The following SHISA9 variants were observed in gnomAD, a reference collection of about 807,000 sequenced individuals.
SHISA9 encodes protein shisa-9.
SHISA9 carries 13 observed loss-of-function variants against 38.0 expected under a neutral mutation model. The observed-to-expected ratio is 0.34, with a 90% CI of 0.22 to 0.54. SHISA9 has a LOEUF of 0.54. SHISA9 is among the 20% of genes least tolerant of loss of function. The probability of loss-of-function intolerance (pLI) is 0.91; values close to 1 mark genes in which losing one functional copy is unlikely to be tolerated. For synonymous variants in SHISA9, 275 were observed against 242.0 expected (o/e 1.14, Z -1.27); for missense variants, 538 against 575.8 (o/e 0.93, Z 0.67).
the SHISA9 span, among the ~76,000 whole-genome samples, chr16:13,446,311 G>A: frequency 6.6e-6 from 1 of 152,106 alleles, no homozygotes; most frequent in Non-Finnish European, 1.5e-5. Context: ...CAGGTTTACT[G>A]TAACATTCAA....
At chr16:13,264,112 C>T in the SHISA9 span, among the ~76,000 whole-genome samples, 13 of 151,984 alleles carry the variant, frequency 8.6e-5, no homozygotes, top group South Asian at 2.1e-4. Context: ...GCTGTCATCA[C>T]CTGTGTCTGC....
the SHISA9 span, among the ~76,000 whole-genome samples, chr16:13,303,332 A>T: frequency 6.6e-6 from 1 of 152,242 alleles, no homozygotes; most frequent in Admixed American, 6.5e-5. Context: ...CCACATCAGT[A>T]GGCTAAATGG....
chr16:13,388,357 G>A, the SHISA9 span, among the ~76,000 whole-genome samples: 1 of 150,486 alleles, frequency 6.6e-6, no homozygotes, highest in Admixed American at 6.6e-5. Flanking sequence ...TGTTGCCTGG[G>A]CTGGAGTGCA....
At chr16:13,046,960 T>C (rs868113204) in intron 2 of SHISA9, among the ~76,000 whole-genome samples, 2 of 152,186 alleles carry the variant, frequency 1.3e-5, no homozygotes, top group African/African-American at 2.4e-5. Flanking sequence ...TTACCCCCTG[T>C]GTGCCTTGCA....
In SHISA9 at chr16:13,226,966, G is replaced by A. The variant is rs568087910; in HGVS notation, c.896-8064G>A. 3.3e-5 allele frequency among the ~76,000 whole-genome samples: 5 copies of A among 152,264 alleles called. No individual in the cohort carries two copies. In the South Asian group the frequency reaches 1.0e-3, roughly 32 times the overall value. On this transcript the variant is annotated intron_variant, in intron 4 of 4. Transcript: ENST00000558583. ...GGGAAATAGATTCCACTTCTTGATG[G>A]TAAGAGCTGCAAAGTATTTTGGTCA...
At chr16:13,348,569 A>G in the SHISA9 span, among the ~76,000 whole-genome samples, 8 of 151,728 alleles carry the variant, frequency 5.3e-5, no homozygotes, top group African/African-American at 1.7e-4. Flanking sequence ...TCTGTAACCA[A>G]TCAAGCAGCA....
chr16:13,070,406 A>G (rs956095619), intron 2 of SHISA9, among the ~76,000 whole-genome samples: 2 of 152,218 alleles, frequency 1.3e-5, no homozygotes, highest in African/African-American at 2.4e-5. Context: ...GCGATTGGCC[A>G]GGCTGGGACC....
At chr16:13,305,004 A>C in the SHISA9 span, among the ~76,000 whole-genome samples, 2 of 152,322 alleles carry the variant, frequency 1.3e-5, no homozygotes, top group African/African-American at 4.8e-5. Flanking sequence ...CAGGTTGAAT[A>C]TTTCTTATCC....
chr16:13,559,035 C>T, the SHISA9 span, among the ~76,000 whole-genome samples: 1 of 152,164 alleles, frequency 6.6e-6, no homozygotes, highest in Non-Finnish European at 1.5e-5. Flanking sequence ...TTATTATTTG[C>T]CTTCCCCACC....
At chr16:12,970,552 C>T (rs1188591116) in intron 2 of SHISA9, among the ~76,000 whole-genome samples, 2 of 108,606 alleles carry the variant, frequency 1.8e-5, no homozygotes, top group South Asian at 3.2e-4. Flanking sequence ...ACTCTGTTGC[C>T]CAGGCTGGAC....
rs2051414743 is a variant in SHISA9 at position 13,239,207 on chromosome 16, G to A, written c.*3798G>A. The A allele has an allele frequency of 1.3e-5, 2 of 151,744 alleles. No homozygotes were observed. Among genetic ancestry groups the A allele is most frequent in the East Asian group, 1.9e-4 (1 of 5,184 alleles). 9.4% of individuals were successfully genotyped at this position (151,744 alleles called of 1,614,324 possible). On this transcript the variant is annotated 3_prime_UTR_variant, in exon 5 of 5. Coordinates refer to ENST00000558583, the MANE Select transcript of SHISA9 (RefSeq NM_001145204.3). ...CTGCATAGTATTCCATGGTGTATAT[G>A]TGCCACATTTTCTTAATCCAGTCTA...
chr16:13,388,467 A>G, the SHISA9 span, among the ~76,000 whole-genome samples: 27 of 152,118 alleles, frequency 1.8e-4, no homozygotes, highest in African/African-American at 6.0e-4. Context: ...ATCCACCACC[A>G]TGCCCAGCTA....
At chr16:13,466,302 A>C in the SHISA9 span, among the ~76,000 whole-genome samples, 1 of 152,234 alleles carries the variant, frequency 6.6e-6, no homozygotes, top group Non-Finnish European at 1.5e-5. Context: ...TGATCTGGAC[A>C]ATCAAGGGGA....
At chr16:13,302,894 T>C in the SHISA9 span, among the ~76,000 whole-genome samples, 1 of 152,170 alleles carries the variant, frequency 6.6e-6, no homozygotes, top group African/African-American at 2.4e-5. Flanking sequence ...GATGGCTTTA[T>C]AATGGGCTCT....
chr16:13,263,313 G>T, the SHISA9 span, among the ~76,000 whole-genome samples: 1 of 152,154 alleles, frequency 6.6e-6, no homozygotes, highest in South Asian at 2.1e-4. Flanking sequence ...ATGTTCAATT[G>T]TAATCCCATG....
At chr16:13,401,355 C>T in the SHISA9 span, among the ~76,000 whole-genome samples, 2 of 152,186 alleles carry the variant, frequency 1.3e-5, no homozygotes, top group Admixed American at 1.3e-4. Flanking sequence ...CAGTCTGACT[C>T]CAGAGCCACG....
chr16:13,116,923 C>T (rs1158339882), intron 2 of SHISA9, among the ~76,000 whole-genome samples: 1 of 151,232 alleles, frequency 6.6e-6, no homozygotes, highest in African/African-American at 2.4e-5. Context: ...CACCTAGGGG[C>T]CAGCAATACG....
the SHISA9 span, among the ~76,000 whole-genome samples, chr16:13,320,368 C>CCAAT: frequency 6.7e-6 from 1 of 148,988 alleles, no homozygotes; most frequent in South Asian, 2.1e-4. Flanking sequence ...CCAGCAAGTT[C>CCAAT]CAATTCAGGT....
At chr16:12,953,378 TA>T (rs1391640071) in intron 2 of SHISA9, among the ~76,000 whole-genome samples, 1 of 152,078 alleles carries the variant, frequency 6.6e-6, no homozygotes, top group African/African-American at 2.4e-5. Flanking sequence ...GCCCATTTGG[TA>T]GATGAGAACC....
Sources: gnomAD v4.1 joint callset for allele counts (sites outside exome capture counted in the v4.1 genomes callset) on GRCh38, gnomAD v4.1.1 for gene constraint, MANE v1.5 for transcripts, NCBI Gene and HGNC (gene_info 2026-07-23, HGNC 2026-07-21) for gene names.